CCDC191: variants seen among roughly 807,000 people sequenced by gnomAD.
CCDC191 encodes coiled-coil domain-containing protein 191.
CCDC191 carries 99 observed loss-of-function variants against 114.0 expected under a neutral mutation model. That is an observed-to-expected ratio of 0.87 (90% confidence interval 0.74 to 1.03). The LOEUF (loss-of-function observed/expected upper bound fraction) is 1.03. CCDC191 is among the 50% of genes least tolerant of loss of function. The probability of loss-of-function intolerance (pLI) is 0.00; values close to 1 mark genes in which losing one functional copy is unlikely to be tolerated. For synonymous variants in CCDC191, 351 were observed against 376.0 expected, an observed-to-expected ratio of 0.93 and a Z score of 0.77; for missense variants, 973 against 1,087.0, an observed-to-expected ratio of 0.90 and a Z score of 1.47.
chr3:113,978,645 C>T, intron 15 of CCDC191: 2 of 614,022 alleles, frequency 3.3e-6, no homozygotes, highest in African/African-American at 1.8e-5. Flanking sequence ...ACAGTTTATA[C>T]ACACTCCGTG....
chr3:114,045,706 A>AGCC (rs2076620544), intron 3 of CCDC191, among the ~76,000 whole-genome samples: 2 of 152,160 alleles, frequency 1.3e-5, no homozygotes, highest in South Asian at 4.1e-4. Context: ...GGGAAGCTCC[A>AGCC]GCCACATGGG....
chr3:114,010,988 T>C lies in CCDC191; in HGVS notation c.1197A>G (p.Lys399=). ...CTGTAAAGCAGTGTCGGAGAACTTG[T>C]TTCCGGTTATACTCAGTGGCCAGTT... ...KQQLATEYNR[K]QVLRHCFTEW... Residue 399 remains lysine (K), a synonymous_variant, in exon 9 of 17, where the codon AAA becomes AAG. Transcript: ENST00000295878. 1.2e-6 allele frequency: 2 copies of C among 1,613,888 alleles called. No homozygotes were observed. The highest frequency in any genetic ancestry group is 1.7e-6 in the Non-Finnish European group (2 of 1,179,862).
rs1559897268 is a variant in CCDC191, at chr3:114,001,606, G to T, written c.2152C>A (p.Leu718Met). 1.9e-6 allele frequency: 3 copies of T among 1,613,634 alleles called. No homozygotes were observed. The highest frequency in any genetic ancestry group is 2.5e-6 in the Non-Finnish European group (3 of 1,179,656). ...QLERKREEKR[L>M]KKMKELEKQK... ...TAGACAATACTAACCATTTTCTTCA[G>T]TCTCTTCTCTTCTCGTTTTCTTTCA... The change falls in exon 13 of 17, where the codon CTG becomes ATG. Residue 718 changes from leucine to methionine, a missense_variant. By Grantham distance (15) the Leu-to-Met change is conservative. Transcript: ENST00000295878.
At chr3:114,003,237 T>C (rs1326855418) in intron 11 of CCDC191, 3 of 985,282 alleles carry the variant, frequency 3.0e-6, no homozygotes, top group Non-Finnish European at 2.4e-6. Flanking sequence ...GTTGGGGCTT[T>C]CATAGGAAGA....
Position 113,978,169 on chromosome 3 carries a change from C to A in CCDC191, c.2606+17G>T, listed in dbSNP as rs752559512. 5.6e-6 allele frequency: 9 copies of A among 1,613,370 alleles called. No homozygotes were observed. The highest frequency in any genetic ancestry group is 4.0e-5 in the African/African-American group (3 of 74,898). ...GTGAAGTCAGAGAGTGAATTTTCCTCACTATCAAAACCTCACCTGTCACTG... is the reference window on the plus strand; with the variant it reads ...GTGAAGTCAGAGAGTGAATTTTCCTAACTATCAAAACCTCACCTGTCACTG... On this transcript the variant is annotated intron_variant, in intron 16 of 16. Coordinates refer to ENST00000295878, the MANE Select transcript of CCDC191 (RefSeq NM_020817.2).
At position 114,018,760 on chromosome 3, in the gene CCDC191, G is replaced by C. The variant is rs563222564; in HGVS notation, c.1081C>G (p.Arg361Gly). Reference sequence around the variant, plus strand: ...AATCTTGTGTAGTCTCTCCAGGCCCGCAGGACCTTCAGCTGAATCTTCCAG... The same window carrying C: ...AATCTTGTGTAGTCTCTCCAGGCCCCCAGGACCTTCAGCTGAATCTTCCAG... Reference protein sequence around the residue: ...SDWKIQLKVLRAWRDYTRFQK... With the variant: ...SDWKIQLKVLGAWRDYTRFQK... Residue 361 changes from arginine (R) to glycine (G), a missense_variant, in exon 8 of 17, where the codon CGG becomes GGG. Coordinates refer to ENST00000295878, the MANE Select transcript of CCDC191 (RefSeq NM_020817.2). 1.2e-6 allele frequency: 2 copies of C among 1,613,254 alleles called. No homozygotes were observed. Among genetic ancestry groups the C allele is most frequent in the Admixed American group, 1.7e-5 (1 of 59,920 alleles).
rs112801699 is a variant in CCDC191, at chr3:114,051,205, C to G, written c.129+2392G>C. 5.1e-3 allele frequency among the ~76,000 whole-genome samples: 778 copies of G among 152,328 alleles called. 9 individuals carry two copies. Among genetic ancestry groups the G allele is most frequent in the African/African-American group, 0.017 (705 of 41,578 alleles). ...CAACATCAACCTCTGATCCATCTCC[C>G]TGTTTCATTCTCCCTACTCCTATGA... On this transcript the variant is annotated intron_variant, in intron 2 of 16. Transcript: ENST00000295878.
At chr3:114,019,263 C>T (rs1020407571) in intron 7 of CCDC191, among the ~76,000 whole-genome samples, 7 of 152,134 alleles carry the variant, frequency 4.6e-5, no homozygotes, top group East Asian at 3.9e-4. Context: ...AATTCACTAC[C>T]GTTTCTGACA....
At chr3:114,051,321 C>T (rs948714813) in intron 2 of CCDC191, among the ~76,000 whole-genome samples, 3 of 152,200 alleles carry the variant, frequency 2.0e-5, no homozygotes, top group African/African-American at 7.2e-5. Flanking sequence ...CTTTCCTACT[C>T]AGTGTGGATA....
chr3:113,987,742 A>C (rs771924557), intron 13 of CCDC191, among the ~76,000 whole-genome samples: 3 of 152,216 alleles, frequency 2.0e-5, no homozygotes. Context: ...GGTAACCACT[A>C]AAAATATTTT....
chr3:113,990,931 C>CAAAA (rs35483860), intron 13 of CCDC191, among the ~76,000 whole-genome samples: 4 of 47,626 alleles, frequency 8.4e-5, no homozygotes, highest in Non-Finnish European at 1.1e-4. Context: ...TAAAGCACCT[C>CAAAA]AAAAAAAAAA....
intron 3 of CCDC191, among the ~76,000 whole-genome samples, chr3:114,044,208 G>A (rs146374383): frequency 1.2e-3 from 188 of 152,268 alleles, no homozygotes; most frequent in African/African-American, 4.5e-3. Context: ...GAGGTTCAAG[G>A]ACTGAGTGCT....
intron 6 of CCDC191, among the ~76,000 whole-genome samples, chr3:114,032,595 T>C (rs1385916565): frequency 6.6e-6 from 1 of 152,240 alleles, no homozygotes; most frequent in Non-Finnish European, 1.5e-5. Context: ...TGATCTTTCT[T>C]GAACTTTTAG....
intron 2 of CCDC191, among the ~76,000 whole-genome samples, chr3:114,049,044 T>C (rs1429042746): frequency 1.3e-5 from 2 of 152,246 alleles, no homozygotes; most frequent in African/African-American, 4.8e-5. Flanking sequence ...TCCAAATTCT[T>C]GTGCGTTTCA....
rs1451758952 is a variant in CCDC191, at chr3:114,042,764, A to G, written c.354T>C (p.Thr118=). 5 of 1,600,638 alleles carry G rather than the reference A, an allele frequency of 3.1e-6. No individual in the cohort carries two copies. The highest frequency in any genetic ancestry group is 4.3e-6 in the Non-Finnish European group (5 of 1,175,428). The change falls in exon 4 of 17, where the codon ACT becomes ACC. Residue 118 remains threonine (T), a synonymous_variant. Coordinates refer to ENST00000295878, the MANE Select transcript of CCDC191 (RefSeq NM_020817.2). ...CCGGCATAATAGTGACACTTGACAC[A>G]GTGTTTTTAGCATCACCTTCTTCCT... The part of the protein sequence containing the change: ...ASEEEGDAKN[T]VSSVTIMPEA...
chr3:114,034,291 G>C (rs2076449181), intron 6 of CCDC191, among the ~76,000 whole-genome samples: 1 of 152,114 alleles, frequency 6.6e-6, no homozygotes, highest in South Asian at 2.1e-4. Flanking sequence ...ACTAATCAAT[G>C]TAATACCTAT....
intron 13 of CCDC191, among the ~76,000 whole-genome samples, chr3:113,981,910 G>A (rs2107614550): frequency 6.6e-6 from 1 of 152,292 alleles, no homozygotes; most frequent in Non-Finnish European, 1.5e-5. Flanking sequence ...TGAATGAAAT[G>A]GCCAGAGAGA....
chr3:114,029,149 A>C (rs2076368290), intron 7 of CCDC191, among the ~76,000 whole-genome samples: 1 of 152,122 alleles, frequency 6.6e-6, no homozygotes, highest in Non-Finnish European at 1.5e-5. Flanking sequence ...AGGACAGGTA[A>C]AACACAAGAT....
intron 13 of CCDC191, among the ~76,000 whole-genome samples, chr3:113,983,594 T>C (rs899588239): frequency 6.6e-6 from 1 of 152,180 alleles, no homozygotes; most frequent in Admixed American, 6.5e-5. Flanking sequence ...CCTACTTCTT[T>C]AGTCATTACT....
Sources: gnomAD v4.1 joint callset for allele counts (sites outside exome capture counted in the v4.1 genomes callset) on GRCh38, gnomAD v4.1.1 for gene constraint, MANE v1.5 for transcripts, NCBI Gene and HGNC (gene_info 2026-07-23, HGNC 2026-07-21) for gene names.